The following AADACL4 variants were observed in gnomAD, a reference collection of about 807,000 sequenced individuals.
AADACL4 encodes the protein arylacetamide deacetylase-like 4.
In AADACL4, 9 loss-of-function variants were observed where a neutral mutation model predicts 14.1. The observed-to-expected ratio is 0.64, with a 90% CI of 0.39 to 1.12. The LOEUF (loss-of-function observed/expected upper bound fraction) is 1.12. Among genes scored for constraint, AADACL4 ranks in the 50% most tolerant of loss-of-function variants. The probability of loss-of-function intolerance (pLI) is 0.01; values close to 1 mark genes in which losing one functional copy is unlikely to be tolerated. For missense variants in AADACL4, 531 were observed against 516.1 expected (o/e 1.03, Z -0.28); for synonymous variants, 188 against 201.6 (o/e 0.93, Z 0.57).
At chr1:12,659,248 A>C (rs1467256951) in intron 2 of AADACL4, among the ~76,000 whole-genome samples, 1 of 152,206 alleles carries the variant, frequency 6.6e-6, no homozygotes, top group Non-Finnish European at 1.5e-5. Context: ...TGGACCTGAC[A>C]GTCACCTGAG....
intron 1 of AADACL4, among the ~76,000 whole-genome samples, chr1:12,646,379 C>T (rs1647111866): frequency 6.6e-6 from 1 of 152,180 alleles, no homozygotes; most frequent in Non-Finnish European, 1.5e-5. Flanking sequence ...CATCTCTGTG[C>T]TGCTGGAAGT....
intron 1 of AADACL4, 54 bp downstream of exon 1, chr1:12,644,768 A>G (rs923328189): frequency 4.9e-5 from 76 of 1,563,970 alleles, no homozygotes; most frequent in Non-Finnish European, 6.6e-5. Flanking sequence ...TCTTGTTCTC[A>G]GTACCTTACC....
At chr1:12,652,774 G>A (rs1021554097) in intron 2 of AADACL4, among the ~76,000 whole-genome samples, 3 of 152,130 alleles carry the variant, frequency 2.0e-5, no homozygotes, top group African/African-American at 7.2e-5. Flanking sequence ...GTCGCTGGTG[G>A]GTGTGTGTTT....
intron 1 of AADACL4, among the ~76,000 whole-genome samples, chr1:12,650,570 G>C (rs894000549): frequency 2.0e-5 from 3 of 147,954 alleles, no homozygotes; most frequent in Admixed American, 1.4e-4. Flanking sequence ...GTCTCTCTCT[G>C]TTGCCAGGCT....
At chr1:12,661,136 C>T (rs1423617707) in intron 2 of AADACL4, among the ~76,000 whole-genome samples, 3 of 152,192 alleles carry the variant, frequency 2.0e-5, no homozygotes, top group African/African-American at 4.8e-5. Context: ...CTCCTCCAAA[C>T]CCTGGAATTA....
chr1:12,656,888 C>T (rs114682686), intron 2 of AADACL4, among the ~76,000 whole-genome samples: 298 of 152,242 alleles, frequency 2.0e-3, no homozygotes, highest in African/African-American at 6.4e-3. Flanking sequence ...TGCTTGGAAT[C>T]CCAGCACTTT....
Position 12,645,084 on chromosome 1 carries a change from C to T in AADACL4, c.168+370C>T, listed in dbSNP as rs573376244. On this transcript the variant is annotated intron_variant, in intron 1 of 3. Transcript: ENST00000376221. ...TCCCTTCCTTCCTTCCCTCCTTCTCCGCTCCTTTCCTTCCTTTTTCCTTCT... is the reference window on the plus strand; with the variant it reads ...TCCCTTCCTTCCTTCCCTCCTTCTCTGCTCCTTTCCTTCCTTTTTCCTTCT... Among the ~76,000 whole-genome samples the T allele has an allele frequency of 6.0e-4, 80 of 133,630 alleles. 1 individual carries two copies. Among genetic ancestry groups the T allele is most frequent in the Admixed American group, 3.8e-3 (50 of 13,178 alleles). 87.7% of individuals were successfully genotyped at this position (133,630 alleles called of 152,430 possible). A position where few individuals can be genotyped will look rare whatever the true frequency, so the allele number is the denominator to read the frequency against.
Position 12,644,627 on chromosome 1 carries a change from C to G in AADACL4, c.81C>G (p.His27Gln). Residue 27 changes from histidine to glutamine, a missense_variant, in exon 1 of 4, where the codon CAC becomes CAG. Physicochemically the swap from His to Gln is conservative, Grantham distance 24. Transcript: ENST00000376221. Reference sequence around the variant, plus strand: ...TCTTTGTCTGGGCTGTCTTTGAGCACTTCCTCACCACGGATATCCCTGCTA... The same window carrying G: ...TCTTTGTCTGGGCTGTCTTTGAGCAGTTCCTCACCACGGATATCCCTGCTA... ...LGVFVWAVFE[H>Q]FLTTDIPATL... 6.2e-7 allele frequency: 1 copy of G among 1,614,188 alleles called. No individual in the cohort carries two copies. The highest frequency in any genetic ancestry group is 1.1e-5 in the South Asian group (1 of 91,082).
At chr1:12,658,448 G>A (rs1447472683) in intron 2 of AADACL4, among the ~76,000 whole-genome samples, 5 of 152,046 alleles carry the variant, frequency 3.3e-5, no homozygotes, top group African/African-American at 4.8e-5. Flanking sequence ...TAGTAGAGAC[G>A]GGGTTTTGCC....
intron 2 of AADACL4, among the ~76,000 whole-genome samples, chr1:12,657,857 CCAGT>C (rs1340247121): frequency 3.9e-5 from 6 of 152,108 alleles, no homozygotes; most frequent in Non-Finnish European, 7.4e-5. Context: ...CATGTTGGGT[CCAGT>C]CAGTCTTAGC....
intron 3 of AADACL4, among the ~76,000 whole-genome samples, chr1:12,662,293 A>G (rs1313420055): frequency 6.6e-6 from 1 of 152,218 alleles, no homozygotes; most frequent in Admixed American, 6.5e-5. Context: ...GTAACAAGAC[A>G]ATGTAACATA....
chr1:12,661,903 A>G, intron 3 of AADACL4, 49 bp downstream of exon 3: 1 of 1,582,988 alleles, frequency 6.3e-7, no homozygotes, highest in Non-Finnish European at 8.7e-7. Flanking sequence ...GAGAGGAGAT[A>G]GGGTAAGTTC....
chr1:12,647,310 G>A (rs1450570323), intron 1 of AADACL4, among the ~76,000 whole-genome samples: 1 of 152,010 alleles, frequency 6.6e-6, no homozygotes, highest in Admixed American at 6.6e-5. Flanking sequence ...CGTTGCCAAG[G>A]CTGATCTTAA....
chr1:12,658,361 C>T lies in AADACL4; in HGVS notation c.386-3430C>T, dbSNP rs191615869. Among the ~76,000 whole-genome samples, 8 of 151,930 alleles carry T rather than the reference C, an allele frequency of 5.3e-5. No individual in the cohort carries two copies. In the East Asian group the frequency reaches 9.7e-4, roughly 18 times the overall value. ...GCAACCTCCACCTCCCGGATTCAAG[C>T]GAGTATCGTGCCTCAGCCTCCCAAG... On this transcript the variant is annotated intron_variant, in intron 2 of 3. Coordinates refer to ENST00000376221, the MANE Select transcript of AADACL4 (RefSeq NM_001013630.2).
At chr1:12,658,283 G>T (rs979623901) in intron 2 of AADACL4, among the ~76,000 whole-genome samples, 2 of 146,454 alleles carry the variant, frequency 1.4e-5, no homozygotes, top group Admixed American at 1.4e-4. Flanking sequence ...TTTCGAAACA[G>T]AGTCTTACTC....
chr1:12,666,699 T>C lies in AADACL4; in HGVS notation c.1188T>C (p.Ile396=). Residue 396 remains isoleucine (I), a synonymous_variant, in exon 4 of 4, where the codon ATT becomes ATC. Coordinates refer to ENST00000376221, the MANE Select transcript of AADACL4 (RefSeq NM_001013630.2). Reference sequence around the variant, plus strand: ...TCTCTTTCCCATGTTCCCTGAAGATTGTGAATGCTGTAGTCAGTTATATAA... The same window carrying C: ...TCTCTTTCCCATGTTCCCTGAAGATCGTGAATGCTGTAGTCAGTTATATAA... ...KALSFPCSLK[I]VNAVVSYIKG... is the part of the protein sequence containing the mutation. 1 of 1,612,930 alleles carries C rather than the reference T, an allele frequency of 6.2e-7. No homozygotes were observed. The highest frequency in any genetic ancestry group is 8.5e-7 in the Non-Finnish European group (1 of 1,179,928).
chr1:12,658,363 A>G (rs1449467298), intron 2 of AADACL4, among the ~76,000 whole-genome samples: 1 of 151,760 alleles, frequency 6.6e-6, no homozygotes, highest in Non-Finnish European at 1.5e-5. Flanking sequence ...GATTCAAGCG[A>G]GTATCGTGCC....
In AADACL4 at chr1:12,666,749, G is replaced by A. The variant is rs528499499; in HGVS notation, c.*14G>A. On this transcript the variant is annotated 3_prime_UTR_variant, in exon 4 of 4. Transcript: ENST00000376221. ...AAGGGCATATGATAGTAACCCTGGG[G>A]CCCCGAGGAGGAAGGGGCAAGTATG... 7.6e-6 allele frequency: 12 copies of A among 1,578,690 alleles called. No individual in the cohort carries two copies. The highest frequency in any genetic ancestry group is 1.0e-5 in the Non-Finnish European group (12 of 1,167,416).
intron 2 of AADACL4, among the ~76,000 whole-genome samples, 156 bp from the exon 3 acceptor site, chr1:12,661,635 G>GT (rs1167435005): frequency 6.6e-6 from 1 of 152,024 alleles, no homozygotes; most frequent in African/African-American, 2.4e-5. Context: ...ATTTGGCCTG[G>GT]TTTTTTGGCT....
Sources: allele counts gnomAD v4.1 joint callset (sites outside exome capture counted in the v4.1 genomes callset), GRCh38; gene constraint gnomAD v4.1.1; transcripts MANE v1.5; gene names NCBI Gene and HGNC (gene_info 2026-07-23, HGNC 2026-07-21).